FRMD4A: variants seen among roughly 807,000 people sequenced by gnomAD.
FRMD4A encodes the protein FERM domain-containing protein 4A.
Under a neutral mutation model 129.1 loss-of-function variants are expected in FRMD4A, and 29 were observed. The observed-to-expected ratio is 0.22, with a 90% CI of 0.17 to 0.31. The LOEUF is 0.31. FRMD4A is among the 10% of genes least tolerant of loss of function. The probability of loss-of-function intolerance (pLI) is 1.00; values close to 1 mark genes in which losing one functional copy is unlikely to be tolerated. For synonymous variants in FRMD4A, 634 were observed against 571.6 expected, an observed-to-expected ratio of 1.11 and a Z score of -1.56; for missense variants, 1,272 against 1,375.8, an observed-to-expected ratio of 0.92 and a Z score of 1.19.
intron 2 of FRMD4A, among the ~76,000 whole-genome samples, chr10:14,138,975 C>CT (rs1434886031): frequency 6.6e-6 from 1 of 152,160 alleles, no homozygotes; most frequent in African/African-American, 2.4e-5. Context: ...TGCCCCTTCC[C>CT]TGGGACCTCT....
chr10:13,701,412 C>A lies in FRMD4A; in HGVS notation c.903G>T (p.Pro301=). The change falls in exon 14 of 25, where the codon CCG becomes CCT. Residue 301 remains proline (P), a synonymous_variant. Transcript: ENST00000357447. ...GIAVHTWYAC[P]ALIKSIWAMA... ...TAGCCCAGATGGACTTGATCAATGC[C>A]GGACATGCATACCACGTGTGCACTG... 1 of 1,613,816 alleles carries A rather than the reference C, an allele frequency of 6.2e-7. No individual in the cohort carries two copies. The highest frequency in any genetic ancestry group is 1.1e-5 in the South Asian group (1 of 91,072).
chr10:13,853,096 A>G (rs1320873714), intron 3 of FRMD4A, among the ~76,000 whole-genome samples: 3 of 152,100 alleles, frequency 2.0e-5, no homozygotes, highest in Non-Finnish European at 4.4e-5. Flanking sequence ...CAGAGGGGAG[A>G]GATGTGGAAA....
intron 2 of FRMD4A, among the ~76,000 whole-genome samples, chr10:14,270,157 C>T (rs1845114429): frequency 6.6e-6 from 1 of 152,188 alleles, no homozygotes; most frequent in Admixed American, 6.5e-5. Flanking sequence ...TTCTCTGGTT[C>T]TGAAGCCTCT....
At chr10:13,943,197 G>A (rs1359116861) in intron 2 of FRMD4A, among the ~76,000 whole-genome samples, 1 of 152,158 alleles carries the variant, frequency 6.6e-6, no homozygotes, top group Admixed American at 6.5e-5. Context: ...GTCTGCATAA[G>A]GTTCTAGGTG....
chr10:14,010,913 A>G (rs1451062041), intron 2 of FRMD4A, among the ~76,000 whole-genome samples: 3 of 152,186 alleles, frequency 2.0e-5, no homozygotes, highest in Non-Finnish European at 2.9e-5. Context: ...AGGGGAATGA[A>G]TGTTCACTGA....
intron 2 of FRMD4A, among the ~76,000 whole-genome samples, chr10:13,982,127 T>G (rs2095563842): frequency 6.6e-6 from 1 of 151,992 alleles, no homozygotes; most frequent in Non-Finnish European, 1.5e-5. Flanking sequence ...AAGCCAGCCA[T>G]AAAACCTAAA....
At chr10:13,786,021 C>T (rs569989674) in intron 5 of FRMD4A, among the ~76,000 whole-genome samples, 76 of 152,318 alleles carry the variant, frequency 5.0e-4, no homozygotes, top group Non-Finnish European at 8.8e-4. Context: ...CAGTCTACCA[C>T]TGATGGACAT....
At chr10:13,889,162 T>C (rs765212388) in intron 2 of FRMD4A, among the ~76,000 whole-genome samples, 3 of 152,216 alleles carry the variant, frequency 2.0e-5, no homozygotes, top group Non-Finnish European at 2.9e-5. Flanking sequence ...CACCCAACAC[T>C]TACTTAAAGA....
intron 2 of FRMD4A, among the ~76,000 whole-genome samples, chr10:14,163,247 A>G (rs1192804629): frequency 6.6e-6 from 1 of 152,244 alleles, no homozygotes; most frequent in East Asian, 1.9e-4. Context: ...TTTAGAAGAA[A>G]TGTCTAAATT....
Position 13,657,375 on chromosome 10 carries a change from G to T in FRMD4A, c.2214C>A (p.Ser738Arg). The change falls in exon 22 of 25, where the codon AGC becomes AGA. Residue 738 changes from serine to arginine, a missense_variant. Physicochemically the swap from Ser to Arg is moderately radical, Grantham distance 110. Around this residue, in one of 2 missense-constraint regions of FRMD4A, gnomAD observed 972 missense variants for 892.3 expected, o/e 1.09. Coordinates refer to ENST00000357447, the MANE Select transcript of FRMD4A (RefSeq NM_018027.5). Reference protein sequence around the residue: ...PDFYTPRTRSSNGSDPMDDCS... With the variant: ...PDFYTPRTRSRNGSDPMDDCS... The stretch of plus-strand genomic sequence containing the variant: ...AGTCGTCCATGGGGTCTGAGCCGTT[G>T]CTGCTACGAGTCCGCGGGGTGTAGA... 1 of 1,612,378 alleles carries T rather than the reference G, an allele frequency of 6.2e-7. No individual in the cohort carries two copies.
chr10:13,808,910 C>A (rs929101172), intron 4 of FRMD4A, among the ~76,000 whole-genome samples: 1 of 152,190 alleles, frequency 6.6e-6, no homozygotes, highest in African/African-American at 2.4e-5. Context: ...CCCCACAGAG[C>A]CTCCACATAG....
chr10:14,123,086 A>T (rs1838624583), intron 2 of FRMD4A, among the ~76,000 whole-genome samples: 1 of 150,082 alleles, frequency 6.7e-6, no homozygotes, highest in Non-Finnish European at 1.5e-5. Context: ...TGGAAATTTC[A>T]ATATTAAAAA....
chr10:14,281,842 G>C (rs1205411883), intron 2 of FRMD4A, among the ~76,000 whole-genome samples: 2 of 152,178 alleles, frequency 1.3e-5, no homozygotes, highest in Non-Finnish European at 2.9e-5. Context: ...CTCAAACAGG[G>C]ATGTGTAGTA....
At position 13,663,391 on chromosome 10, in the gene FRMD4A, T is replaced by C. The variant is rs550788288; in HGVS notation, c.1660+62A>G. ...TACACAAGGCAATCCCCAGACTACA[T>C]AGAAATTCATCTCTGTTTACTCTGA... is the stretch of plus-strand genomic sequence containing the variant. On this transcript the variant is annotated intron_variant, in intron 19 of 24. Transcript: ENST00000357447. 5.2e-5 allele frequency: 48 copies of C among 925,504 alleles called. 1 individual carries two copies. The highest frequency in any genetic ancestry group is 1.2e-4 in the South Asian group (9 of 76,132). 57.3% of individuals were successfully genotyped at this position (925,504 alleles called of 1,614,324 possible).
At chr10:14,127,975 TTTC>T (rs61079365) in intron 2 of FRMD4A, among the ~76,000 whole-genome samples, 1 of 21,830 alleles carries the variant, frequency 4.6e-5, no homozygotes. Flanking sequence ...TCTTTCTTTC[TTTC>T]CTTCTCTCTC....
At chr10:13,796,156 T>C (rs906868499) in intron 5 of FRMD4A, among the ~76,000 whole-genome samples, 2 of 152,130 alleles carry the variant, frequency 1.3e-5, no homozygotes, top group Non-Finnish European at 2.9e-5. Context: ...TAGTTTCAAA[T>C]TGCCCCCAGA....
At chr10:13,786,295 C>CT (rs1178972714) in intron 5 of FRMD4A, among the ~76,000 whole-genome samples, 1 of 152,184 alleles carries the variant, frequency 6.6e-6, no homozygotes, top group Admixed American at 6.5e-5. Flanking sequence ...TGTTTCCTGA[C>CT]TTTTTAATGA....
chr10:13,773,407 C>T (rs1402849103), intron 6 of FRMD4A, among the ~76,000 whole-genome samples: 5 of 152,202 alleles, frequency 3.3e-5, no homozygotes, highest in African/African-American at 9.7e-5. Flanking sequence ...ACTGATGGTG[C>T]ATCTAGGCAT....
intron 8 of FRMD4A, among the ~76,000 whole-genome samples, chr10:13,750,065 GAAGGAAGAAAGAAAGAAAGA>G (rs1304800473): frequency 1.9e-3 from 142 of 75,940 alleles, no homozygotes; most frequent in African/African-American, 4.9e-3. Flanking sequence ...AGGAAGGAAG[GAAGGAAGAAAGAAAGAAAGA>G]AAGAAAGAAA....
Sources: allele counts gnomAD v4.1 joint callset (sites outside exome capture counted in the v4.1 genomes callset), GRCh38; gene constraint gnomAD v4.1.1; regional missense constraint gnomAD v4.1.1; transcripts MANE v1.5; gene names NCBI Gene and HGNC (gene_info 2026-07-23, HGNC 2026-07-21).